The following STAB2 variants were observed in gnomAD, a reference collection of about 807,000 sequenced individuals.
The protein encoded by STAB2 is stabilin-2.
A neutral mutation model predicts 338.1 loss-of-function variants in STAB2; 288 were observed. The ratio of observed to expected loss-of-function variants is 0.85; its 90% CI spans 0.77 to 0.94. The LOEUF (loss-of-function observed/expected upper bound fraction) is 0.94, where lower values mean the gene tolerates loss of function less well. Ranked by LOEUF, STAB2 falls within the 40% of genes least tolerant of loss-of-function variation. STAB2 has a pLI of 0.00. For missense variants in STAB2, 3,141 were observed against 3,210.1 expected (o/e 0.98, Z 0.52); for synonymous variants, 1,202 against 1,193.3 (o/e 1.01, Z -0.15).
Position 103,594,527 on chromosome 12 carries a change from T to C in STAB2, c.331+17T>C. On this transcript the variant is annotated intron_variant, in intron 3 of 68. Transcript: ENST00000388887. Reference sequence around the variant, plus strand: ...ACTGTATAGGTAAGTGGCACAATGCTTGGACTTTGAGACTTGCTTCTTGGT... The same window carrying C: ...ACTGTATAGGTAAGTGGCACAATGCCTGGACTTTGAGACTTGCTTCTTGGT... 2.5e-6 allele frequency: 4 copies of C among 1,590,342 alleles called. No homozygotes were observed. Among genetic ancestry groups the C allele is most frequent in the Admixed American group, 1.7e-5 (1 of 59,886 alleles).
intron 60 of STAB2, among the ~76,000 whole-genome samples, chr12:103,751,631 G>A (rs1566077096): frequency 6.6e-6 from 1 of 152,162 alleles, no homozygotes; most frequent in Non-Finnish European, 1.5e-5. Context: ...ATGCACAGCT[G>A]GGACCAGCTG....
At chr12:103,683,570 C>T (rs1168732321) in intron 26 of STAB2, among the ~76,000 whole-genome samples, 4 of 152,116 alleles carry the variant, frequency 2.6e-5, no homozygotes, top group Non-Finnish European at 4.4e-5. Context: ...ACAAGTAAGT[C>T]CCAAATATGG....
intron 26 of STAB2, among the ~76,000 whole-genome samples, chr12:103,684,507 C>T (rs1169987227): frequency 6.6e-6 from 1 of 152,150 alleles, no homozygotes; most frequent in African/African-American, 2.4e-5. Flanking sequence ...TGATTTAAGC[C>T]CAACCAAGCC....
At chr12:103,613,192 G>T (rs12307758) in intron 3 of STAB2, among the ~76,000 whole-genome samples, 10,516 of 152,256 alleles carry the variant, frequency 0.069, 385 homozygotes, top group Non-Finnish European at 0.081. Flanking sequence ...CGTGCTGGGA[G>T]AATCACTACT....
chr12:103,755,605 C>T lies in STAB2; in HGVS notation c.6881-7C>T. On this transcript the variant is annotated splice_polypyrimidine_tract_variant and splice_region_variant and intron_variant, in intron 62 of 68. Transcript: ENST00000388887. ...TGTGTGGGACCCTGTGTGCCTCTGC[C>T]CTCCAGATGTGAACTGCACCTGCAA... 1 of 1,614,042 alleles carries T rather than the reference C, an allele frequency of 6.2e-7. No individual in the cohort carries two copies. The highest frequency in any genetic ancestry group is 8.5e-7 in the Non-Finnish European group (1 of 1,179,980).
chr12:103,656,756 G>A (rs1263576402), intron 15 of STAB2, among the ~76,000 whole-genome samples: 2 of 144,170 alleles, frequency 1.4e-5, no homozygotes, highest in African/African-American at 5.2e-5. Context: ...GCGCAATCTC[G>A]GCTCACTGCA....
rs369455846 is a variant in STAB2, at chr12:103,731,086, C to T, written c.5224-490C>T. Among the ~76,000 whole-genome samples, 15 of 152,156 alleles carry T rather than the reference C, an allele frequency of 9.9e-5. No individual in the cohort carries two copies. The South Asian group carries it at 1.7e-3, about 17-fold the overall frequency. ...TCTAAAAAAGTTTTTTTTAATTAAA[C>T]ACACACACGAAGGGTGAACACCTAA... On this transcript the variant is annotated intron_variant, in intron 49 of 68. Transcript: ENST00000388887.
intron 15 of STAB2, chr12:103,657,732 T>A (rs1874300034): frequency 6.6e-6 from 1 of 152,234 alleles, no homozygotes; most frequent in Admixed American, 6.5e-5. Context: ...AAAAACTGCT[T>A]TTCCATTTCA....
intron 46 of STAB2, 80 bp downstream of exon 46, chr12:103,726,243 C>G: frequency 2.0e-6 from 3 of 1,487,228 alleles, no homozygotes; most frequent in Non-Finnish European, 2.8e-6. Flanking sequence ...AATTCCAACA[C>G]TTTGGGAGGC....
chr12:103,603,840 T>A (rs912363187), intron 3 of STAB2, among the ~76,000 whole-genome samples: 2 of 152,208 alleles, frequency 1.3e-5, no homozygotes, highest in African/African-American at 4.8e-5. Context: ...CTTCCTCCTG[T>A]GCATAACGAC....
At chr12:103,761,978 T>C (rs1884572812) in intron 66 of STAB2, among the ~76,000 whole-genome samples, 1 of 152,090 alleles carries the variant, frequency 6.6e-6, no homozygotes, top group Non-Finnish European at 1.5e-5. Context: ...CCAGACTGGG[T>C]TCAAAGCCCA....
At chr12:103,761,647 G>A (rs777568109) in intron 66 of STAB2, among the ~76,000 whole-genome samples, 1 of 152,142 alleles carries the variant, frequency 6.6e-6, no homozygotes, top group African/African-American at 2.4e-5. Flanking sequence ...TTGAATGAAA[G>A]GGGGAGGATG....
chr12:103,640,634 G>A (rs1163898611), intron 9 of STAB2, among the ~76,000 whole-genome samples: 3 of 152,146 alleles, frequency 2.0e-5, no homozygotes, highest in African/African-American at 7.2e-5. Flanking sequence ...CTTGTTAGAG[G>A]TGCAAAACAA....
At chr12:103,685,297 C>T (rs1877296439) in intron 27 of STAB2, among the ~76,000 whole-genome samples, 1 of 152,164 alleles carries the variant, frequency 6.6e-6, no homozygotes, top group Non-Finnish European at 1.5e-5. Flanking sequence ...GTGTACCAAG[C>T]AGTCCTTACT....
intron 46 of STAB2, among the ~76,000 whole-genome samples, 161 bp from the exon 47 acceptor site, chr12:103,727,106 C>T (rs974786159): frequency 6.6e-6 from 1 of 152,164 alleles, no homozygotes; most frequent in African/African-American, 2.4e-5. Context: ...ACAATTTCAA[C>T]GACGGAGAAT....
At chr12:103,684,579 C>T (rs950988046) in intron 26 of STAB2, among the ~76,000 whole-genome samples, 8 of 152,112 alleles carry the variant, frequency 5.3e-5, no homozygotes, top group African/African-American at 1.9e-4. Context: ...TTGGAAGAAC[C>T]AACATATGAT....
intron 2 of STAB2, among the ~76,000 whole-genome samples, chr12:103,592,483 A>G (rs1593117094): frequency 6.6e-6 from 1 of 152,162 alleles, no homozygotes; most frequent in Non-Finnish European, 1.5e-5. Context: ...TCATTCATCT[A>G]TGCTGGAACA....
chr12:103,687,529 C>G (rs1877539804), intron 27 of STAB2, among the ~76,000 whole-genome samples: 1 of 151,986 alleles, frequency 6.6e-6, no homozygotes, highest in African/African-American at 2.4e-5. Flanking sequence ...TGGGGTGGCT[C>G]TATATATAGA....
chr12:103,626,095 T>A (rs1274777948), intron 5 of STAB2, among the ~76,000 whole-genome samples: 1 of 152,218 alleles, frequency 6.6e-6, no homozygotes, highest in Non-Finnish European at 1.5e-5. Context: ...AACTGGAAAC[T>A]TAAACTGAGA....
Sources: gnomAD v4.1 joint callset for allele counts (sites outside exome capture counted in the v4.1 genomes callset) on GRCh38, gnomAD v4.1.1 for gene constraint, MANE v1.5 for transcripts, NCBI Gene and HGNC (gene_info 2026-07-23, HGNC 2026-07-21) for gene names.